The following ESRRG variants were observed in gnomAD, a reference collection of about 807,000 sequenced individuals.
ESRRG encodes estrogen related receptor gamma.
In ESRRG, 13 loss-of-function variants were observed where a neutral mutation model predicts 44.0. That is an observed-to-expected ratio of 0.30 (90% confidence interval 0.19 to 0.47). The LOEUF (loss-of-function observed/expected upper bound fraction) is 0.47, where lower values mean the gene tolerates loss of function less well. ESRRG is among the 20% of genes least tolerant of loss of function. The pLI is 1.00. For missense variants in ESRRG, 395 were observed against 580.6 expected (o/e 0.68, Z 3.29); for synonymous variants, 215 against 214.6 (o/e 1.00, Z -0.02).
At chr1:216,915,318 T>C (rs2149649479) in intron 2 of ESRRG, among the ~76,000 whole-genome samples, 1 of 152,208 alleles carries the variant, frequency 6.6e-6, no homozygotes, top group African/African-American at 2.4e-5. Context: ...AGCCAGGTGG[T>C]CCCTCACCCT....
chr1:216,864,490 T>G (rs1024468490), intron 2 of ESRRG: 1 of 152,154 alleles, frequency 6.6e-6, no homozygotes, highest in African/African-American at 2.4e-5. Context: ...CCAGTTGTAC[T>G]TTTGTATGAC....
chr1:216,694,819 A>G (rs2079802415), intron 1 of ESRRG, among the ~76,000 whole-genome samples: 1 of 152,130 alleles, frequency 6.6e-6, no homozygotes, highest in South Asian at 2.1e-4. Context: ...GGTCTCTCCC[A>G]AAGTGTTGGG....
At chr1:216,706,142 A>G (rs1160168218) in intron 1 of ESRRG, among the ~76,000 whole-genome samples, 1 of 152,108 alleles carries the variant, frequency 6.6e-6, no homozygotes, top group Non-Finnish European at 1.5e-5. Flanking sequence ...AGGTTTCCGA[A>G]GCATTCTGGC....
At chr1:216,580,829 T>C (rs944528266) in intron 3 of ESRRG, among the ~76,000 whole-genome samples, 2 of 152,188 alleles carry the variant, frequency 1.3e-5, no homozygotes, top group Admixed American at 6.5e-5. Context: ...GCCAAATGGA[T>C]AGCATTAATG....
At chr1:217,064,370 C>T (rs2089248779) in intron 1 of ESRRG, among the ~76,000 whole-genome samples, 1 of 151,940 alleles carries the variant, frequency 6.6e-6, no homozygotes, top group Non-Finnish European at 1.5e-5. Flanking sequence ...TATACACACA[C>T]ATATATATAA....
At chr1:216,948,419 G>A (rs2066414665) in intron 1 of ESRRG, among the ~76,000 whole-genome samples, 1 of 144,526 alleles carries the variant, frequency 6.9e-6, no homozygotes, top group Non-Finnish European at 1.5e-5. Flanking sequence ...AGAGATTGCA[G>A]TGAGCCGAGA....
At chr1:217,002,305 A>G (rs543612775) in intron 1 of ESRRG, among the ~76,000 whole-genome samples, 2 of 133,676 alleles carry the variant, frequency 1.5e-5, no homozygotes, top group African/African-American at 3.2e-5. Context: ...CTGTCTAAAA[A>G]AAAAAAAAAG....
intron 2 of ESRRG, among the ~76,000 whole-genome samples, chr1:216,731,156 TGTTC>T (rs2088686382): frequency 6.6e-6 from 1 of 152,242 alleles, no homozygotes; most frequent in Non-Finnish European, 1.5e-5. Flanking sequence ...TATTTTTAAG[TGTTC>T]AAAAACGGTT....
chr1:216,809,155 G>A (rs2148436797), intron 2 of ESRRG, among the ~76,000 whole-genome samples: 1 of 152,168 alleles, frequency 6.6e-6, no homozygotes, highest in South Asian at 2.1e-4. Flanking sequence ...CAATGTTAGT[G>A]ATAAGTCAAG....
intron 2 of ESRRG, among the ~76,000 whole-genome samples, chr1:216,843,320 C>T (rs553766571): frequency 6.6e-6 from 1 of 151,782 alleles, no homozygotes; most frequent in African/African-American, 2.4e-5. Context: ...AGAAGACAAC[C>T]TTTTTTCCAC....
chr1:216,675,900 C>T (rs1269230110), intron 2 of ESRRG, among the ~76,000 whole-genome samples: 2 of 152,168 alleles, frequency 1.3e-5, no homozygotes, highest in African/African-American at 4.8e-5. Context: ...CCTGGCTGTA[C>T]CCAAGACCAA....
chr1:216,549,879 AT>A (rs574058922), intron 5 of ESRRG, among the ~76,000 whole-genome samples: 37 of 152,000 alleles, frequency 2.4e-4, no homozygotes, highest in Middle Eastern at 6.8e-3. Context: ...TTGTAAGTTC[AT>A]TTTTTTTAAG....
intron 1 of ESRRG, among the ~76,000 whole-genome samples, chr1:216,991,943 C>A (rs988897084): frequency 6.6e-6 from 1 of 152,178 alleles, no homozygotes; most frequent in Non-Finnish European, 1.5e-5. Flanking sequence ...CCACTTCATT[C>A]CATCTTGGGA....
intron 1 of ESRRG, among the ~76,000 whole-genome samples, chr1:217,037,609 C>A (rs1001348378): frequency 5.9e-5 from 9 of 152,050 alleles, no homozygotes; most frequent in African/African-American, 1.7e-4. Context: ...CATTATTCCA[C>A]CCCAGCCCCT....
intron 1 of ESRRG, among the ~76,000 whole-genome samples, chr1:217,110,539 T>A (rs1466877774): frequency 1.3e-5 from 2 of 152,298 alleles, no homozygotes; most frequent in East Asian, 1.9e-4. Context: ...CATGTTGGCA[T>A]CTTCTTGGCT....
At chr1:216,746,599 T>C (rs2091429212) in intron 2 of ESRRG, among the ~76,000 whole-genome samples, 1 of 152,198 alleles carries the variant, frequency 6.6e-6, no homozygotes, top group African/African-American at 2.4e-5. Flanking sequence ...TGTAGGCAGA[T>C]GTATTCATTT....
At chr1:216,631,150 A>T (rs1371076800) in intron 3 of ESRRG, among the ~76,000 whole-genome samples, 4 of 152,154 alleles carry the variant, frequency 2.6e-5, no homozygotes, top group African/African-American at 9.7e-5. Flanking sequence ...TAGAAGGCTA[A>T]CTTGTTAACT....
At chr1:216,571,547 GAA>G (rs2060816820) in intron 3 of ESRRG, among the ~76,000 whole-genome samples, 1 of 152,090 alleles carries the variant, frequency 6.6e-6, no homozygotes, top group Non-Finnish European at 1.5e-5. Context: ...GGTGACTATA[GAA>G]AAATTCATAT....
chr1:216,773,019 C>T (rs1023901923), intron 2 of ESRRG, among the ~76,000 whole-genome samples: 13 of 152,014 alleles, frequency 8.6e-5, no homozygotes, highest in South Asian at 2.1e-4. Flanking sequence ...TCCCTTTTAA[C>T]GCTCAACATG....
Sources: allele counts gnomAD v4.1 joint callset (sites outside exome capture counted in the v4.1 genomes callset), GRCh38; gene constraint gnomAD v4.1.1; transcripts MANE v1.5; gene names NCBI Gene and HGNC (gene_info 2026-07-23, HGNC 2026-07-21).